The following RFC3 variants were observed in gnomAD, a reference collection of about 807,000 sequenced individuals.
RFC3 encodes replication factor C subunit 3, also known as A1 38 kDa subunit.
Under a neutral mutation model 45.1 loss-of-function variants are expected in RFC3, and 41 were observed. The observed-to-expected ratio is 0.91, with a 90% CI of 0.71 to 1.18. RFC3 has a LOEUF of 1.18. Among genes scored for constraint, RFC3 ranks in the 50% most tolerant of loss-of-function variants. RFC3 has a pLI of 0.00. For missense variants in RFC3, 423 were observed against 428.1 expected (o/e 0.99, Z 0.10); for synonymous variants, 149 against 144.0 (o/e 1.03, Z -0.25).
At chr13:33,857,487 A>G (rs1271966157) in intron 8 of RFC3, among the ~76,000 whole-genome samples, 1 of 152,188 alleles carries the variant, frequency 6.6e-6, no homozygotes, top group Non-Finnish European at 1.5e-5. Flanking sequence ...GATGGGAGCA[A>G]TGCTCTCCCA....
chr13:33,930,698 G>C (rs1248315971), intron 8 of RFC3, among the ~76,000 whole-genome samples: 1 of 152,084 alleles, frequency 6.6e-6, no homozygotes, highest in South Asian at 2.1e-4. Flanking sequence ...CCTCTTCTGT[G>C]AATTGTCAAC....
intron 8 of RFC3, among the ~76,000 whole-genome samples, chr13:33,887,807 A>T (rs563335751): frequency 1.1e-3 from 173 of 151,864 alleles, no homozygotes; most frequent in Admixed American, 3.5e-3. Context: ...ATTTTTGTAT[A>T]AGGTGTAAGG....
In RFC3 at chr13:33,938,257, A is replaced by G. The variant is rs562719468; in HGVS notation, c.880-27830A>G. 1.0e-3 allele frequency among the ~76,000 whole-genome samples: 156 copies of G among 151,722 alleles called. 3 individuals are homozygous for G. Among genetic ancestry groups the G allele is most frequent in the African/African-American group, 3.5e-3 (147 of 41,430 alleles). On this transcript the variant is annotated intron_variant, in intron 8 of 8. Coordinates refer to the RFC3 transcript ENST00000434425. The stretch of plus-strand genomic sequence containing the variant: ...CTTCAAAGCAATGAAATATAAAGTA[A>G]TTGCAAGTTTGCAAATTAACTATGT...
At chr13:33,852,146 T>C (rs983833676) in intron 8 of RFC3, among the ~76,000 whole-genome samples, 2 of 152,220 alleles carry the variant, frequency 1.3e-5, no homozygotes, top group East Asian at 3.8e-4. Flanking sequence ...CTGTAAGTTA[T>C]TGTCATCCAG....
chr13:33,847,372 C>A (rs1426029487), intron 8 of RFC3: 1 of 152,088 alleles, frequency 6.6e-6, no homozygotes, highest in African/African-American at 2.4e-5. Context: ...AAGGTGCTTT[C>A]TTGTGTGGGT....
chr13:33,901,680 T>C (rs2082642845), intron 8 of RFC3, among the ~76,000 whole-genome samples: 1 of 152,078 alleles, frequency 6.6e-6, no homozygotes, highest in Admixed American at 6.6e-5. Context: ...ACGTGAGCTA[T>C]AAGGGAATAA....
At chr13:33,957,750 G>T (rs115552856) in intron 8 of RFC3, among the ~76,000 whole-genome samples, 2 of 152,112 alleles carry the variant, frequency 1.3e-5, no homozygotes, top group African/African-American at 2.4e-5. Flanking sequence ...GTAGTCAAAC[G>T]TGAAGGTCTT....
At chr13:33,827,707 T>G (rs893758084) in intron 4 of RFC3, among the ~76,000 whole-genome samples, 2 of 152,194 alleles carry the variant, frequency 1.3e-5, no homozygotes, top group Non-Finnish European at 2.9e-5. Context: ...AGTAACAGTT[T>G]AGGAAATAAT....
intron 8 of RFC3, among the ~76,000 whole-genome samples, chr13:33,898,046 A>G (rs898701476): frequency 6.6e-6 from 1 of 152,024 alleles, no homozygotes; most frequent in Non-Finnish European, 1.5e-5. Context: ...AGACTGTGAT[A>G]CAATAGAAGT....
intron 8 of RFC3, among the ~76,000 whole-genome samples, chr13:33,869,993 C>T (rs1223871650): frequency 6.6e-6 from 1 of 152,184 alleles, no homozygotes; most frequent in African/African-American, 2.4e-5. Flanking sequence ...GGTGGTTCCA[C>T]AAAGGGAACG....
At chr13:33,834,470 G>C (rs1433454152) in intron 7 of RFC3, among the ~76,000 whole-genome samples, 2 of 149,614 alleles carry the variant, frequency 1.3e-5, no homozygotes, top group Non-Finnish European at 3.0e-5. Flanking sequence ...AATATGAGAA[G>C]GGCCTAGAAT....
chr13:33,960,980 G>A (rs1395358228), intron 8 of RFC3, among the ~76,000 whole-genome samples: 1 of 152,166 alleles, frequency 6.6e-6, no homozygotes, highest in Non-Finnish European at 1.5e-5. Flanking sequence ...AACTTAGGGT[G>A]GTCCAGTGAA....
chr13:33,905,042 C>T (rs1017239071), intron 8 of RFC3, among the ~76,000 whole-genome samples: 14 of 152,118 alleles, frequency 9.2e-5, no homozygotes, highest in African/African-American at 3.4e-4. Flanking sequence ...AGGGATATAT[C>T]AGTGGCTCCA....
chr13:33,874,842 GA>G (rs1224533028), intron 8 of RFC3, among the ~76,000 whole-genome samples: 1 of 152,238 alleles, frequency 6.6e-6, no homozygotes. Context: ...CTTCTGTTTA[GA>G]GCCATATATT....
At chr13:33,835,310 C>G (rs745355588) in intron 8 of RFC3, 93 bp downstream of exon 8, 2 of 801,536 alleles carry the variant, frequency 2.5e-6, no homozygotes, top group African/African-American at 3.4e-5. Flanking sequence ...CAAGATATCA[C>G]CTCTTTCTCT....
intron 8 of RFC3, among the ~76,000 whole-genome samples, chr13:33,885,905 T>A (rs1179389942): frequency 6.6e-6 from 1 of 152,114 alleles, no homozygotes; most frequent in Non-Finnish European, 1.5e-5. Context: ...AAGATATTAT[T>A]TACTTGCTTT....
At chr13:33,847,569 T>C (rs1171166478) in intron 8 of RFC3, 1 of 152,026 alleles carries the variant, frequency 6.6e-6, no homozygotes, top group Non-Finnish European at 1.5e-5. Context: ...TTTATAAATA[T>C]GGTCAAGTAT....
rs2082152416 is a variant in RFC3 at position 33,836,188 on chromosome 13, C to G, written c.964C>G (p.Leu322Val). 2 of 1,613,374 alleles carry G rather than the reference C, an allele frequency of 1.2e-6. No homozygotes were observed. The highest frequency in any genetic ancestry group is 1.7e-5 in the Admixed American group (1 of 59,948). The change falls in exon 9 of 9, where the codon CTA (leucine) becomes GTA (valine). Residue 322 changes from leucine to valine, a missense_variant. Coordinates refer to ENST00000380071, the MANE Select transcript of RFC3 (RefSeq NM_002915.4). The part of the protein sequence containing the change: ...AQMAAYYEHR[L>V]QLGSKAIYHL... ...AATGGCAGCTTACTATGAGCATCGT[C>G]TACAGCTGGGTAGCAAAGCCATTTA...
chr13:33,857,714 T>C (rs1371410918), intron 8 of RFC3, among the ~76,000 whole-genome samples: 2 of 152,252 alleles, frequency 1.3e-5, no homozygotes, highest in East Asian at 1.9e-4. Flanking sequence ...TTTCCTAATA[T>C]GAAATGTGAT....
Sources: allele counts gnomAD v4.1 joint callset (sites outside exome capture counted in the v4.1 genomes callset), GRCh38; gene constraint gnomAD v4.1.1; transcripts MANE v1.5; gene names NCBI Gene and HGNC (gene_info 2026-07-23, HGNC 2026-07-21).